The following FILIP1L variants were observed in gnomAD, a reference collection of about 807,000 sequenced individuals.
FILIP1L encodes filamin A interacting protein 1 like, also known as filamin A-interacting protein 1-like.
In FILIP1L, 55 loss-of-function variants were observed where a neutral mutation model predicts 96.6. That is an observed-to-expected ratio of 0.57 (90% CI 0.46 to 0.71). The LOEUF (loss-of-function observed/expected upper bound fraction) is 0.71, where lower values mean the gene tolerates loss of function less well. Ranked by LOEUF, FILIP1L falls within the 30% of genes least tolerant of loss-of-function variation. The pLI, the probability that FILIP1L is intolerant of heterozygous loss-of-function variation, is 0.00. For missense variants in FILIP1L, 1,304 were observed against 1,321.2 expected, an observed-to-expected ratio of 0.99 and a Z score of 0.20; for synonymous variants, 467 against 473.9, an observed-to-expected ratio of 0.99 and a Z score of 0.19.
intron 4 of FILIP1L, among the ~76,000 whole-genome samples, chr3:99,916,057 C>A (rs1706940817): frequency 6.6e-6 from 1 of 152,114 alleles, no homozygotes; most frequent in Non-Finnish European, 1.5e-5. Flanking sequence ...CATGGGATGT[C>A]TGAATAGCTG....
intron 1 of FILIP1L, among the ~76,000 whole-genome samples, chr3:100,015,225 G>T (rs1266892028): frequency 6.6e-6 from 1 of 151,800 alleles, no homozygotes; most frequent in African/African-American, 2.4e-5. Flanking sequence ...TAATTTCTGG[G>T]CTCTCTGTTA....
At chr3:99,939,579 G>A (rs1276559798) in intron 1 of FILIP1L, among the ~76,000 whole-genome samples, 2 of 152,160 alleles carry the variant, frequency 1.3e-5, no homozygotes. Context: ...CACAACTAAA[G>A]CAGTGAATTG....
intron 1 of FILIP1L, among the ~76,000 whole-genome samples, chr3:100,055,863 A>G (rs1559741647): frequency 6.6e-6 from 1 of 152,230 alleles, no homozygotes; most frequent in Non-Finnish European, 1.5e-5. Flanking sequence ...AAGGGTAGAT[A>G]TGAAGTTTTT....
chr3:99,832,371 C>T (rs1467989949), intron 5 of FILIP1L, among the ~76,000 whole-genome samples: 1 of 151,146 alleles, frequency 6.6e-6, no homozygotes, highest in Non-Finnish European at 1.5e-5. Flanking sequence ...GCTGGGACCA[C>T]AGGCGACCGC....
intron 1 of FILIP1L, among the ~76,000 whole-genome samples, chr3:100,010,823 TTCAGCA>T (rs1268911631): frequency 7.2e-6 from 1 of 138,400 alleles, no homozygotes; most frequent in Non-Finnish European, 1.6e-5. Context: ...AGGTGGGGGT[TTCAGCA>T]TGTTGGTCAG....
intron 4 of FILIP1L, among the ~76,000 whole-genome samples, chr3:99,922,505 T>A (rs141367754): frequency 5.8e-4 from 88 of 152,258 alleles, no homozygotes; most frequent in Admixed American, 1.9e-3. Flanking sequence ...TGCCATGGAT[T>A]CTCTGGCACT....
In FILIP1L at chr3:99,876,098, G is replaced by T. The variant is rs1239027880; in HGVS notation, c.606-25028C>A. On this transcript the variant is annotated intron_variant, in intron 4 of 5. Coordinates refer to ENST00000477258, the MANE Select transcript of FILIP1L (RefSeq NM_001387850.1). Reference sequence around the variant, plus strand: ...TGAACTGCCTGCGCCGGGGCCGGGCGGGGGCCGGGCCGGGGCCGCTGTAGT... The same window carrying T: ...TGAACTGCCTGCGCCGGGGCCGGGCTGGGGCCGGGCCGGGGCCGCTGTAGT... 44 of 986,236 alleles carry T rather than the reference G, an allele frequency of 4.5e-5. 1 individual carries two copies. Among genetic ancestry groups the T allele is most frequent in the Non-Finnish European group, 5.2e-5 (43 of 830,366 alleles). The allele number at this position is 986,236 out of a possible 1,614,324, so 61.1% of individuals were successfully genotyped here.
intron 1 of FILIP1L, chr3:100,040,162 G>A (rs2065179693): frequency 6.6e-6 from 1 of 152,182 alleles, no homozygotes; most frequent in South Asian, 2.1e-4. Context: ...ACAAAAGCCA[G>A]TGAGAAGTAG....
chr3:100,031,377 T>A (rs1488690989), intron 1 of FILIP1L, among the ~76,000 whole-genome samples: 1 of 152,140 alleles, frequency 6.6e-6, no homozygotes, highest in African/African-American at 2.4e-5. Context: ...TACCCTCGTT[T>A]CCACTCATCC....
At chr3:99,927,760 G>T (rs1217992745) in intron 3 of FILIP1L, among the ~76,000 whole-genome samples, 7 of 151,982 alleles carry the variant, frequency 4.6e-5, no homozygotes, top group Non-Finnish European at 1.0e-4. Flanking sequence ...AGAACCCTAG[G>T]CTGGAAAGGA....
At chr3:100,035,168 A>G (rs2065085888) in intron 1 of FILIP1L, among the ~76,000 whole-genome samples, 1 of 152,332 alleles carries the variant, frequency 6.6e-6, no homozygotes, top group South Asian at 2.1e-4. Flanking sequence ...CAATTTGATG[A>G]TGAAAGCCAT....
intron 1 of FILIP1L, among the ~76,000 whole-genome samples, chr3:100,092,801 A>G (rs1204180919): frequency 6.6e-6 from 1 of 151,646 alleles, no homozygotes; most frequent in Non-Finnish European, 1.5e-5. Context: ...TTAAGTGACT[A>G]AGGATCAGAA....
At chr3:100,031,529 A>T (rs988032448) in intron 1 of FILIP1L, among the ~76,000 whole-genome samples, 3 of 152,136 alleles carry the variant, frequency 2.0e-5, no homozygotes, top group African/African-American at 7.2e-5. Context: ...AAGCCACGTT[A>T]CAGAACTAGA....
chr3:100,057,646 G>C (rs1315224532), intron 1 of FILIP1L, among the ~76,000 whole-genome samples: 1 of 152,160 alleles, frequency 6.6e-6, no homozygotes, highest in Non-Finnish European at 1.5e-5. Flanking sequence ...CCAATGCTTT[G>C]GGATCAGGCC....
At chr3:100,040,754 C>T (rs922185701) in intron 1 of FILIP1L, 1 of 152,174 alleles carries the variant, frequency 6.6e-6, no homozygotes, top group African/African-American at 2.4e-5. Context: ...GAGGGTGGTG[C>T]TGGGAGCCAT....
chr3:100,014,545 G>A (rs964540407), intron 1 of FILIP1L, among the ~76,000 whole-genome samples: 20 of 152,082 alleles, frequency 1.3e-4, no homozygotes, highest in African/African-American at 4.3e-4. Context: ...ACAGATGTGA[G>A]GTGATATCTT....
chr3:99,918,396 C>T (rs1246199896), intron 4 of FILIP1L, among the ~76,000 whole-genome samples: 1 of 152,186 alleles, frequency 6.6e-6, no homozygotes, highest in African/African-American at 2.4e-5. Context: ...TGGTTCATCC[C>T]TCACTAGGCT....
chr3:99,992,825 T>A (rs1344875654), intron 1 of FILIP1L, among the ~76,000 whole-genome samples: 2 of 152,164 alleles, frequency 1.3e-5, no homozygotes, highest in Non-Finnish European at 2.9e-5. Context: ...TTAATCCATC[T>A]TGGGTTAATT....
intron 5 of FILIP1L, chr3:99,833,131 G>A (rs1375176308): frequency 3.1e-6 from 3 of 981,658 alleles, no homozygotes; most frequent in African/African-American, 1.6e-5. Context: ...AAGCAAGTTG[G>A]AAAGCTCATT....
Sources: gnomAD v4.1 joint callset for allele counts (sites outside exome capture counted in the v4.1 genomes callset) on GRCh38, gnomAD v4.1.1 for gene constraint, MANE v1.5 for transcripts, NCBI Gene and HGNC (gene_info 2026-07-23, HGNC 2026-07-21) for gene names.